Variants in FBXO8 observed in about 807,000 individuals in gnomAD.
FBXO8 encodes the protein F-box only protein 8.
FBXO8 carries 15 observed loss-of-function variants against 33.4 expected under a neutral mutation model. That is an observed-to-expected ratio of 0.45 (90% confidence interval 0.30 to 0.69). The LOEUF (loss-of-function observed/expected upper bound fraction) is 0.69, where lower values mean the gene tolerates loss of function less well. FBXO8 is among the 30% of genes least tolerant of loss of function. FBXO8 has a pLI of 0.08. For synonymous variants in FBXO8, 132 were observed against 131.5 expected, an observed-to-expected ratio of 1.00 and a Z score of -0.02; for missense variants, 274 against 380.3, an observed-to-expected ratio of 0.72 and a Z score of 2.32.
At chr4:174,280,059 C>A in intron 1 of FBXO8, among the ~76,000 whole-genome samples, 1 of 151,506 alleles carries the variant, frequency 6.6e-6, no homozygotes, top group East Asian at 1.9e-4. Context: ...AAAAGGCAAC[C>A]CACCGAATGA....
chr4:174,244,954 G>A (rs769301500), intron 3 of FBXO8, among the ~76,000 whole-genome samples: 5 of 151,614 alleles, frequency 3.3e-5, no homozygotes, highest in South Asian at 2.1e-4. Context: ...TATAAGACTA[G>A]CTTGTAAAAT....
chr4:174,269,760 A>G (rs1319656730), intron 1 of FBXO8, among the ~76,000 whole-genome samples: 1 of 152,174 alleles, frequency 6.6e-6, no homozygotes. Flanking sequence ...TAAATTGATA[A>G]TTTCCAGAGA....
Position 174,265,038 on chromosome 4 carries a change from G to A in FBXO8, c.-8-1938C>T, listed in dbSNP as rs1380081676. ...GAAAAGATGCTCAACATCATATGTC[G>A]TGAGGGAACTGAAAATAACATAACT... On this transcript the variant is annotated intron_variant, in intron 1 of 5. Transcript: ENST00000393674. The surrounding 1 kb of genome is among the most constrained non-coding windows in gnomAD (Gnocchi z 4.7). Among the ~76,000 whole-genome samples, 5 of 151,978 alleles carry A rather than the reference G, an allele frequency of 3.3e-5. No homozygotes were observed. Among genetic ancestry groups the A allele is most frequent in the South Asian group, 2.1e-4 (1 of 4,820 alleles).
chr4:174,276,341 G>A (rs1005085192), intron 1 of FBXO8, among the ~76,000 whole-genome samples: 3 of 152,078 alleles, frequency 2.0e-5, no homozygotes, highest in African/African-American at 7.2e-5. Context: ...GGGTTCAAGC[G>A]ATTCTCCTGC....
chr4:174,248,603 G>C (rs951045700), intron 3 of FBXO8, among the ~76,000 whole-genome samples: 10 of 152,082 alleles, frequency 6.6e-5, no homozygotes, highest in African/African-American at 2.2e-4. Flanking sequence ...TGTGAAGAGA[G>C]AGTGCCAGTA....
intron 4 of FBXO8, among the ~76,000 whole-genome samples, chr4:174,239,757 T>C (rs1001646217): frequency 4.5e-4 from 69 of 152,022 alleles, no homozygotes; most frequent in African/African-American, 1.4e-3. Context: ...TCCTGTCTAA[T>C]GGATGCAACA....
rs1369877284 is a variant in FBXO8, at chr4:174,278,680, T to G, written c.-9+4730A>C. ...TGGTAGCATATCCTAACCCACCTTC[T>G]CAGTATACACATACTCACCTGCCCA... is the stretch of plus-strand genomic sequence containing the variant. On this transcript the variant is annotated intron_variant, in intron 1 of 5. Transcript: ENST00000393674. The surrounding 1 kb of genome is among the most constrained non-coding windows in gnomAD (Gnocchi z 4.1). Among the ~76,000 whole-genome samples, 2 of 152,110 alleles carry G rather than the reference T, an allele frequency of 1.3e-5. No homozygotes were observed. The highest frequency in any genetic ancestry group is 4.8e-5 in the African/African-American group (2 of 41,452).
intron 1 of FBXO8, among the ~76,000 whole-genome samples, chr4:174,279,192 G>A (rs945438028): frequency 6.6e-6 from 1 of 151,906 alleles, no homozygotes; most frequent in Non-Finnish European, 1.5e-5. Context: ...ATAAAGTCAA[G>A]ACACAGAAAT....
Position 174,263,065 on chromosome 4 carries a change from T to C in FBXO8, c.28A>G (p.Arg10Gly), listed in dbSNP as rs1466271036. Residue 10 changes from arginine (R) to glycine (G), a missense_variant, in exon 2 of 6, where the codon AGA becomes GGA. By Grantham distance (125) the Arg-to-Gly change is moderately radical. This residue lies in a region of FBXO8 where 88 missense variants were observed against 86.9 expected (regional missense o/e 1.01). Coordinates refer to ENST00000393674, the MANE Select transcript of FBXO8 (RefSeq NM_012180.3). This position sits in a 1 kb window ranked among gnomAD's most constrained non-coding sequence, Gnocchi z 4.2. ...CCTTCTTGTTGCAGCTGCTGGTTTC[T>C]GACCACTCTCCACAACCCTTGACCC... is the stretch of plus-strand genomic sequence containing the variant. MGQGLWRVV[R>G]NQQLQQEGYS... is the part of the protein sequence containing the mutation. 1 of 1,613,902 alleles carries C rather than the reference T, an allele frequency of 6.2e-7. No homozygotes were observed. Among genetic ancestry groups the C allele is most frequent in the South Asian group, 1.1e-5 (1 of 91,072 alleles).
intron 3 of FBXO8, among the ~76,000 whole-genome samples, chr4:174,244,214 T>C (rs1178736590): frequency 1.3e-5 from 2 of 151,612 alleles, no homozygotes; most frequent in African/African-American, 2.4e-5. Flanking sequence ...ATAATGCACA[T>C]ACACATTTTT....
rs1450858388 is a variant in FBXO8 at position 174,272,134 on chromosome 4, T to A, written c.-8-9034A>T. Among the ~76,000 whole-genome samples the A allele has an allele frequency of 1.3e-5, 2 of 152,214 alleles. No individual in the cohort carries two copies. Among genetic ancestry groups the A allele is most frequent in the African/African-American group, 4.8e-5 (2 of 41,452 alleles). On this transcript the variant is annotated intron_variant, in intron 1 of 5. Transcript: ENST00000393674. The surrounding 1 kb of genome is among the most constrained non-coding windows in gnomAD (Gnocchi z 4.7). ...CGTCAAAAGGACATTAGGAGCTAAT[T>A]TGAAGGAGGCTTCTATTGGCCAAAC...
intron 3 of FBXO8, among the ~76,000 whole-genome samples, chr4:174,258,522 A>C (rs761998392): frequency 1.7e-4 from 26 of 152,280 alleles, no homozygotes; most frequent in South Asian, 8.3e-4. Flanking sequence ...ATAGTGATGA[A>C]AGAAAAGAAA....
At position 174,261,562 on chromosome 4, in the gene FBXO8, TATTCATGAGTAAAAAATTAATAAC is replaced by T. The variant is rs1002445874; in HGVS notation, c.329+1178_329+1201del. Among the ~76,000 whole-genome samples, 8 of 152,072 alleles carry T rather than the reference TATTCATGAGTAAAAAATTAATAAC, an allele frequency of 5.3e-5. No homozygotes were observed. The highest frequency in any genetic ancestry group is 1.9e-4 in the African/African-American group (8 of 41,562). ...TTAAAAGTACTTTCATTTCCTCTTC[TATTCATGAGTAAAAAATTAATAAC>T]ATTTATTTTAAAGACTCCTCATTAA... On this transcript the variant is annotated intron_variant, in intron 2 of 5. Coordinates refer to ENST00000393674, the MANE Select transcript of FBXO8 (RefSeq NM_012180.3). The surrounding 1 kb of genome is among the most constrained non-coding windows in gnomAD (Gnocchi z 4.1).
intron 1 of FBXO8, among the ~76,000 whole-genome samples, chr4:174,271,727 T>C (rs185544665): frequency 4.0e-4 from 61 of 152,322 alleles, no homozygotes; most frequent in African/African-American, 1.4e-3. Flanking sequence ...CACAAATCTG[T>C]AAGTCACTTC....
intron 1 of FBXO8, among the ~76,000 whole-genome samples, chr4:174,266,524 T>A (rs1187098579): frequency 6.6e-6 from 1 of 152,146 alleles, no homozygotes; most frequent in Non-Finnish European, 1.5e-5. Context: ...CCATTCCCTA[T>A]CTTCCTTAGC....
At chr4:174,279,960 T>G (rs1006385307) in intron 1 of FBXO8, among the ~76,000 whole-genome samples, 1 of 151,764 alleles carries the variant, frequency 6.6e-6, no homozygotes, top group Non-Finnish European at 1.5e-5. Flanking sequence ...GATTTCCAAA[T>G]GCACAAGCAA....
At chr4:174,282,333 G>C (rs556542088) in intron 1 of FBXO8, among the ~76,000 whole-genome samples, 1 of 152,102 alleles carries the variant, frequency 6.6e-6, no homozygotes, top group African/African-American at 2.4e-5. Flanking sequence ...ATGAAGTTAC[G>C]CTGCACCCTA....
At chr4:174,279,400 T>G (rs999435187) in intron 1 of FBXO8, among the ~76,000 whole-genome samples, 2 of 152,026 alleles carry the variant, frequency 1.3e-5, no homozygotes, top group Non-Finnish European at 2.9e-5. Context: ...TGGTTACAGA[T>G]TGGAAGACTT....
intron 1 of FBXO8, among the ~76,000 whole-genome samples, chr4:174,276,613 T>C (rs905644196): frequency 4.6e-5 from 7 of 152,192 alleles, no homozygotes; most frequent in African/African-American, 1.7e-4. Context: ...GGAGTCTCGC[T>C]CTGTCAACAG....
Sources: allele counts gnomAD v4.1 joint callset (sites outside exome capture counted in the v4.1 genomes callset), GRCh38; gene constraint gnomAD v4.1.1; regional missense constraint gnomAD v4.1.1; non-coding constraint Gnocchi (gnomAD v3.1); transcripts MANE v1.5; gene names NCBI Gene and HGNC (gene_info 2026-07-23, HGNC 2026-07-21).